The following RBM25 variants were observed in gnomAD, a reference collection of about 807,000 sequenced individuals.
RBM25 encodes RNA binding motif protein 25.
In RBM25, 19 loss-of-function variants were observed where a neutral mutation model predicts 120.7. That is an observed-to-expected ratio of 0.16 (90% CI 0.11 to 0.23). RBM25 has a LOEUF of 0.23. RBM25 is among the 10% of genes least tolerant of loss of function. The pLI, the probability that RBM25 is intolerant of heterozygous loss-of-function variation, is 1.00. For missense variants in RBM25, 605 were observed against 1,041.5 expected, an observed-to-expected ratio of 0.58 and a Z score of 5.77; for synonymous variants, 390 against 326.7, an observed-to-expected ratio of 1.19 and a Z score of -2.09.
chr14:73,074,379 C>G (rs1355287459), intron 2 of RBM25, among the ~76,000 whole-genome samples: 1 of 152,016 alleles, frequency 6.6e-6, no homozygotes, highest in Non-Finnish European at 1.5e-5. Flanking sequence ...GCCACCATGA[C>G]TGACTCAGAT....
intron 9 of RBM25, chr14:73,102,689 G>C (rs987703532): frequency 1.3e-5 from 2 of 152,940 alleles, no homozygotes; most frequent in African/African-American, 2.4e-5. Context: ...CTTTTGGAGG[G>C]TGGGCAAATC....
At chr14:73,098,141 T>C (rs1326729935) in intron 7 of RBM25, among the ~76,000 whole-genome samples, 1 of 152,182 alleles carries the variant, frequency 6.6e-6, no homozygotes, top group Non-Finnish European at 1.5e-5. Context: ...GTTTTATTTA[T>C]GTTTTTGAGA....
At chr14:73,097,196 C>CTT (rs11390922) in intron 7 of RBM25, 96 bp downstream of exon 7, 4,314 of 138,572 alleles carry the variant, frequency 0.031, 174 homozygotes, top group African/African-American at 0.05. Context: ...TTTTTCTTTT[C>CTT]TTTTTTTTTT....
chr14:73,084,163 G>T (rs1431006207), intron 5 of RBM25, among the ~76,000 whole-genome samples: 4 of 152,178 alleles, frequency 2.6e-5, no homozygotes, highest in African/African-American at 9.6e-5. Flanking sequence ...CTCCTAAAAT[G>T]CTGGCATTAC....
chr14:73,086,420 G>A (rs1895686653), intron 5 of RBM25, among the ~76,000 whole-genome samples: 2 of 150,428 alleles, frequency 1.3e-5, no homozygotes, highest in South Asian at 4.2e-4. Context: ...CCTGGTGACA[G>A]CGCGAGACTC....
intron 1 of RBM25, among the ~76,000 whole-genome samples, chr14:73,061,173 T>C (rs1318396740): frequency 6.6e-6 from 1 of 150,864 alleles, no homozygotes; most frequent in Non-Finnish European, 1.5e-5. Context: ...TTCTCTTGCC[T>C]CATCCTCCAT....
intron 1 of RBM25, among the ~76,000 whole-genome samples, chr14:73,064,147 C>A (rs1895070979): frequency 6.6e-6 from 1 of 151,428 alleles, no homozygotes; most frequent in Non-Finnish European, 1.5e-5. Context: ...TAGCTCTCTT[C>A]CCTAATTTAT....
chr14:73,086,223 G>A (rs945852031), intron 5 of RBM25, among the ~76,000 whole-genome samples: 7 of 151,614 alleles, frequency 4.6e-5, no homozygotes, highest in Admixed American at 4.0e-4. Flanking sequence ...TGAGGCAGGC[G>A]GGTCAAGAGA....
intron 2 of RBM25, among the ~76,000 whole-genome samples, 164 bp from the exon 3 acceptor site, chr14:73,076,155 A>C (rs1409215411): frequency 6.6e-6 from 1 of 152,226 alleles, no homozygotes; most frequent in Non-Finnish European, 1.5e-5. Flanking sequence ...GACCAACCTG[A>C]TACCACATTC....
At chr14:73,092,186 T>C (rs1443780225) in intron 6 of RBM25, among the ~76,000 whole-genome samples, 2 of 150,238 alleles carry the variant, frequency 1.3e-5, no homozygotes, top group East Asian at 3.9e-4. Context: ...AGATTTGCCA[T>C]GATTTTTTTT....
chr14:73,104,995 T>G (rs1896149055), intron 10 of RBM25, among the ~76,000 whole-genome samples: 1 of 145,794 alleles, frequency 6.9e-6, no homozygotes, highest in Non-Finnish European at 1.5e-5. Flanking sequence ...ATTTATGGCA[T>G]AAGTGTATCC....
At chr14:73,073,504 G>A (rs935803460) in intron 2 of RBM25, among the ~76,000 whole-genome samples, 2 of 152,128 alleles carry the variant, frequency 1.3e-5, no homozygotes, top group Non-Finnish European at 2.9e-5. Context: ...TCTGGCCAAC[G>A]TGGCAAAATG....
chr14:73,059,437 A>G (rs1048628144), intron 1 of RBM25: 1 of 152,162 alleles, frequency 6.6e-6, no homozygotes, highest in African/African-American at 2.4e-5. Flanking sequence ...TTGGTCGTCA[A>G]TCCTGCTTTT....
chr14:73,116,671 G>A (rs1896434623), intron 18 of RBM25, among the ~76,000 whole-genome samples: 1 of 152,156 alleles, frequency 6.6e-6, no homozygotes. Context: ...CCTGAGTGAA[G>A]ACATTTTTTA....
chr14:73,093,948 GT>G (rs1004873413), intron 6 of RBM25, among the ~76,000 whole-genome samples: 1,307 of 122,158 alleles, frequency 0.011, 6 homozygotes, highest in Non-Finnish European at 0.017. Flanking sequence ...ATCAGGTTTT[GT>G]TTTTTTTTTT....
At chr14:73,076,692 A>G (rs576204831) in intron 3 of RBM25, among the ~76,000 whole-genome samples, 3 of 151,522 alleles carry the variant, frequency 2.0e-5, no homozygotes, top group Non-Finnish European at 4.4e-5. Flanking sequence ...GGGAGATGGG[A>G]GAAGGATGTG....
At chr14:73,064,433 C>A (rs1895077717) in intron 1 of RBM25, among the ~76,000 whole-genome samples, 1 of 151,342 alleles carries the variant, frequency 6.6e-6, no homozygotes, top group African/African-American at 2.4e-5. Context: ...CTCGCTCTGT[C>A]ACCCAGGTTG....
intron 12 of RBM25, among the ~76,000 whole-genome samples, chr14:73,106,715 G>A (rs183630684): frequency 6.6e-6 from 1 of 152,024 alleles, no homozygotes; most frequent in African/African-American, 2.4e-5. Flanking sequence ...ATTGATTGAT[G>A]AACATGATTT....
In RBM25 at chr14:73,076,366, A is replaced by G. The variant is rs780181976; in HGVS notation, c.154A>G (p.Thr52Ala). The change falls in exon 3 of 19, where the codon ACT (threonine) becomes GCT (alanine). Residue 52 changes from threonine (T) to alanine (A), a missense_variant and splice_region_variant. Transcript: ENST00000261973. Reference sequence around the variant, plus strand: ...AATGAGCATTATGGCTCCTGCTCCAACTGTAAGTATAACTTAAAGGAGGAA... The same window carrying G: ...AATGAGCATTATGGCTCCTGCTCCAGCTGTAAGTATAACTTAAAGGAGGAA... The part of the protein sequence containing the change: ...VPMSIMAPAP[T>A]VLVPTVSMVG... The G allele has an allele frequency of 9.3e-6, 15 of 1,610,606 alleles. No homozygotes were observed. The highest frequency in any genetic ancestry group is 7.7e-5 in the South Asian group (7 of 90,998).
Sources: allele counts gnomAD v4.1 joint callset (sites outside exome capture counted in the v4.1 genomes callset), GRCh38; gene constraint gnomAD v4.1.1; transcripts MANE v1.5; gene names NCBI Gene and HGNC (gene_info 2026-07-23, HGNC 2026-07-21).